The following INSR variants were observed in gnomAD, a reference collection of about 807,000 sequenced individuals.
The protein encoded by INSR is IR.
In INSR, 67 loss-of-function variants were observed where a neutral mutation model predicts 142.6. That is an observed-to-expected ratio of 0.47 (90% CI 0.39 to 0.58). The LOEUF (loss-of-function observed/expected upper bound fraction) is 0.58, where lower values mean the gene tolerates loss of function less well. INSR is among the 20% of genes least tolerant of loss of function. The pLI, the probability that INSR is intolerant of heterozygous loss-of-function variation, is 0.00. For missense variants in INSR, 1,248 were observed against 1,833.2 expected (o/e 0.68, Z 5.83); for synonymous variants, 756 against 743.1 (o/e 1.02, Z -0.28).
chr19:7,152,513 TTTTGTGCGATTA>T, intron 10 of INSR: 1 of 619,786 alleles, frequency 1.6e-6, no homozygotes, highest in Non-Finnish European at 2.9e-6. Context: ...ATTTTTCCCC[TTTTGTGCGATTA>T]TTTGCTCTTC....
intron 2 of INSR, among the ~76,000 whole-genome samples, chr19:7,212,132 C>T (rs920774756): frequency 6.6e-5 from 10 of 152,272 alleles, no homozygotes; most frequent in African/African-American, 2.2e-4. Context: ...CATCTCCCCC[C>T]ACCCCGACGT....
At chr19:7,130,903 G>A (rs2144828003) in intron 14 of INSR, among the ~76,000 whole-genome samples, 1 of 147,254 alleles carries the variant, frequency 6.8e-6, no homozygotes, top group Middle Eastern at 3.4e-3. Context: ...TTTTGAGACA[G>A]AGTCTCACTC....
intron 13 of INSR, among the ~76,000 whole-genome samples, chr19:7,140,171 T>C (rs1382487485): frequency 2.0e-5 from 3 of 152,176 alleles, no homozygotes; most frequent in Non-Finnish European, 4.4e-5. Context: ...CCAAAATCTT[T>C]GGTTGCCAAG....
At chr19:7,279,215 T>C (rs913892340) in intron 1 of INSR, among the ~76,000 whole-genome samples, 1 of 151,788 alleles carries the variant, frequency 6.6e-6, no homozygotes, top group East Asian at 1.9e-4. Flanking sequence ...ATCCCAGCCC[T>C]TGGGGAGGCT....
chr19:7,130,190 T>C (rs1972742085), intron 14 of INSR, among the ~76,000 whole-genome samples: 1 of 152,074 alleles, frequency 6.6e-6, no homozygotes, highest in African/African-American at 2.4e-5. Flanking sequence ...ATAAAGAAAA[T>C]GTGATACATA....
intron 2 of INSR, among the ~76,000 whole-genome samples, chr19:7,258,580 C>T (rs190739450): frequency 1.3e-5 from 2 of 149,516 alleles, no homozygotes; most frequent in Non-Finnish European, 3.0e-5. Flanking sequence ...TAGAGCAAGT[C>T]TCATAATTCC....
chr19:7,122,945 C>A lies in INSR; in HGVS notation c.3303G>T (p.Val1101=). Residue 1101 remains valine (V), a synonymous_variant, in exon 18 of 22, where the codon GTG becomes GTT. Transcript: ENST00000302850. ...CTCCGTGAGCCATCAGCTCCATCACCACCAGCGTGGGCTGGCCCTTGGACA... is the reference window on the plus strand; with the variant it reads ...CTCCGTGAGCCATCAGCTCCATCACAACCAGCGTGGGCTGGCCCTTGGACA... ...GVVSKGQPTL[V]VMELMAHGDL... The A allele has an allele frequency of 6.2e-7, 1 of 1,608,234 alleles. No homozygotes were observed. Among genetic ancestry groups the A allele is most frequent in the East Asian group, 2.2e-5 (1 of 44,632 alleles).
At chr19:7,226,472 T>C (rs942146659) in intron 2 of INSR, among the ~76,000 whole-genome samples, 1 of 146,068 alleles carries the variant, frequency 6.8e-6, no homozygotes, top group Non-Finnish European at 1.5e-5. Flanking sequence ...CTGCCTGTAA[T>C]CCCAGCAATT....
At chr19:7,269,458 G>A (rs1967850403) in intron 1 of INSR, among the ~76,000 whole-genome samples, 5 of 150,326 alleles carry the variant, frequency 3.3e-5, no homozygotes, top group Admixed American at 3.3e-4. Context: ...GAAAGCCCCA[G>A]TACACAACTA....
intron 9 of INSR, among the ~76,000 whole-genome samples, chr19:7,153,226 CCACA>C (rs1226273242): frequency 1.4e-3 from 1 of 690 alleles, no homozygotes; most frequent in Non-Finnish European, 7.2e-3. Context: ...CACACACGCA[CCACA>C]CACACACCAT....
At chr19:7,255,417 C>T (rs1192557381) in intron 2 of INSR, among the ~76,000 whole-genome samples, 1 of 152,116 alleles carries the variant, frequency 6.6e-6, no homozygotes, top group Non-Finnish European at 1.5e-5. Context: ...CATGAGGCAC[C>T]CTCTTCACTC....
At chr19:7,226,190 G>A (rs1368640042) in intron 2 of INSR, among the ~76,000 whole-genome samples, 6 of 148,274 alleles carry the variant, frequency 4.0e-5, no homozygotes, top group Admixed American at 2.7e-4. Context: ...GGAGGATCAC[G>A]AGGTCAAGAG....
intron 5 of INSR, 136 bp from the exon 6 acceptor site, chr19:7,170,887 C>T (rs2144951150): frequency 3.9e-6 from 3 of 777,272 alleles, no homozygotes; most frequent in Non-Finnish European, 6.9e-6. Context: ...ACATACTCAA[C>T]ACATATTTGT....
intron 6 of INSR, among the ~76,000 whole-genome samples, chr19:7,169,635 C>T (rs1973968371): frequency 1.3e-5 from 2 of 150,364 alleles, no homozygotes; most frequent in African/African-American, 4.9e-5. Context: ...ATGAATATTA[C>T]CCTCAATACA....
rs574051366 is a variant in INSR, at chr19:7,113,435, A to T, written c.*3621T>A. On this transcript the variant is annotated 3_prime_UTR_variant, in exon 22 of 22. Coordinates refer to ENST00000302850, the MANE Select transcript of INSR (RefSeq NM_000208.4). ...CTCTTTCTCACTGCTTCCAATGATG[A>T]AACAGCACCTAGGACAGCTCCTAAA... 6.6e-6 allele frequency: 1 copy of T among 152,308 alleles called. No individual in the cohort carries two copies. The highest frequency in any genetic ancestry group is 2.1e-4 in the South Asian group (1 of 4,828). 9.4% of individuals were successfully genotyped at this position (152,308 alleles called of 1,614,324 possible).
chr19:7,278,923 G>A (rs1203968257), intron 1 of INSR, among the ~76,000 whole-genome samples: 1 of 152,140 alleles, frequency 6.6e-6, no homozygotes, highest in Non-Finnish European at 1.5e-5. Flanking sequence ...GAGGTCAGGA[G>A]TTCAAGACCA....
chr19:7,129,517 G>T (rs951435275), intron 14 of INSR, among the ~76,000 whole-genome samples: 1 of 151,568 alleles, frequency 6.6e-6, no homozygotes. Flanking sequence ...TAGAGACAGG[G>T]TTTCACCTTG....
At chr19:7,200,859 C>CA (rs59770137) in intron 2 of INSR, among the ~76,000 whole-genome samples, 3,305 of 75,960 alleles carry the variant, frequency 0.044, 160 homozygotes, top group African/African-American at 0.13. Context: ...GACCTTATCT[C>CA]AAAAAAAAAA....
chr19:7,151,229 C>T (rs1345387450), intron 10 of INSR, among the ~76,000 whole-genome samples: 2 of 142,664 alleles, frequency 1.4e-5, no homozygotes, highest in Non-Finnish European at 1.5e-5. Context: ...TCTCTTCCTT[C>T]CTTCCTCTTT....
Sources: gnomAD v4.1 joint callset for allele counts (sites outside exome capture counted in the v4.1 genomes callset) on GRCh38, gnomAD v4.1.1 for gene constraint, MANE v1.5 for transcripts, NCBI Gene and HGNC (gene_info 2026-07-23, HGNC 2026-07-21) for gene names.